The following SNTG1 variants were observed in gnomAD, a reference collection of about 807,000 sequenced individuals.
The protein encoded by SNTG1 is gamma-1-syntrophin.
A neutral mutation model predicts 74.7 loss-of-function variants in SNTG1; 39 were observed. The ratio of observed to expected loss-of-function variants is 0.52; its 90% confidence interval spans 0.40 to 0.68. The LOEUF (loss-of-function observed/expected upper bound fraction) is 0.68, where lower values mean the gene tolerates loss of function less well. SNTG1 is among the 30% of genes least tolerant of loss of function. SNTG1 has a pLI of 0.00. For synonymous variants in SNTG1, 254 were observed against 217.1 expected (o/e 1.17, Z -1.49); for missense variants, 685 against 609.5 (o/e 1.12, Z -1.30).
At chr8:50,388,514 G>A (rs138513102) in intron 2 of SNTG1, among the ~76,000 whole-genome samples, 41 of 152,194 alleles carry the variant, frequency 2.7e-4, no homozygotes, top group African/African-American at 9.6e-4. Context: ...TTAGAATTCT[G>A]TGCCTTTAAA....
chr8:50,461,061 C>T (rs1461493363), intron 8 of SNTG1, among the ~76,000 whole-genome samples: 1 of 151,402 alleles, frequency 6.6e-6, no homozygotes, highest in East Asian at 1.9e-4. Context: ...CATGTCTCTT[C>T]AGGGTCCTTG....
intron 2 of SNTG1, among the ~76,000 whole-genome samples, chr8:50,210,397 G>A (rs912618196): frequency 6.6e-5 from 10 of 152,074 alleles, no homozygotes; most frequent in African/African-American, 9.7e-5. Flanking sequence ...GATATTCCTC[G>A]AGAAGAGCAA....
chr8:50,763,201 A>T (rs961893732), intron 18 of SNTG1, among the ~76,000 whole-genome samples: 5 of 152,036 alleles, frequency 3.3e-5, no homozygotes, highest in African/African-American at 1.2e-4. Context: ...CAATGGAGAT[A>T]AGGAGAGTTG....
intron 2 of SNTG1, among the ~76,000 whole-genome samples, chr8:50,211,589 T>C (rs1041217930): frequency 6.6e-6 from 1 of 152,104 alleles, no homozygotes; most frequent in African/African-American, 2.4e-5. Flanking sequence ...ATGGATTTGA[T>C]TCAGAACTGC....
chr8:50,343,771 C>T (rs79334208), intron 2 of SNTG1, among the ~76,000 whole-genome samples: 7,975 of 152,168 alleles, frequency 0.052, 242 homozygotes, highest in Middle Eastern at 0.12. Flanking sequence ...AAAGCCAAAG[C>T]AATTATCTTA....
chr8:50,142,477 A>T (rs1586453976), intron 1 of SNTG1, among the ~76,000 whole-genome samples: 1 of 57,302 alleles, frequency 1.7e-5, no homozygotes, highest in Non-Finnish European at 3.1e-5. Flanking sequence ...TAAAAAGATT[A>T]TATATATATA....
At chr8:50,288,512 G>C (rs2088909763) in intron 2 of SNTG1, among the ~76,000 whole-genome samples, 1 of 152,046 alleles carries the variant, frequency 6.6e-6, no homozygotes, top group Admixed American at 6.6e-5. Flanking sequence ...GCCTTTGCTT[G>C]TCATTTTTTA....
intron 15 of SNTG1, among the ~76,000 whole-genome samples, chr8:50,694,327 G>A (rs1350814155): frequency 6.6e-6 from 1 of 151,644 alleles, no homozygotes; most frequent in African/African-American, 2.4e-5. Flanking sequence ...CCAAAAAATT[G>A]GATAACCTAG....
intron 2 of SNTG1, among the ~76,000 whole-genome samples, chr8:50,339,679 T>A (rs2091261144): frequency 6.7e-6 from 1 of 150,000 alleles, no homozygotes; most frequent in Non-Finnish European, 1.5e-5. Context: ...AAAAATGGAG[T>A]CATAAAAAGC....
intron 18 of SNTG1, among the ~76,000 whole-genome samples, chr8:50,774,589 A>T (rs1276598602): frequency 6.6e-6 from 1 of 151,920 alleles, no homozygotes; most frequent in Admixed American, 6.6e-5. Context: ...TACACTACAG[A>T]AAATAATTTT....
intron 2 of SNTG1, among the ~76,000 whole-genome samples, chr8:50,350,261 C>A (rs1040653160): frequency 3.3e-5 from 5 of 152,136 alleles, no homozygotes; most frequent in Non-Finnish European, 7.4e-5. Flanking sequence ...CCCTGCTCCA[C>A]CGGAGCCCAG....
intron 1 of SNTG1, among the ~76,000 whole-genome samples, chr8:49,980,991 T>C (rs1812628346): frequency 6.6e-6 from 1 of 152,238 alleles, no homozygotes; most frequent in African/African-American, 2.4e-5. Context: ...AGTGCCCTTC[T>C]GAGCCCCATG....
At chr8:50,153,349 A>G (rs2082137631) in intron 1 of SNTG1, among the ~76,000 whole-genome samples, 1 of 152,102 alleles carries the variant, frequency 6.6e-6, no homozygotes, top group African/African-American at 2.4e-5. Flanking sequence ...ATTGGGTTCA[A>G]ACTTCCTCCG....
At chr8:50,513,473 G>C (rs1034791931) in intron 9 of SNTG1, among the ~76,000 whole-genome samples, 7 of 152,256 alleles carry the variant, frequency 4.6e-5, no homozygotes, top group Admixed American at 3.9e-4. Flanking sequence ...GTCTGCAGAG[G>C]ATTCTGCTGC....
At position 50,699,807 on chromosome 8, in the gene SNTG1, C is replaced by T. The variant is rs566653199; in HGVS notation, c.1039-4793C>T. On this transcript the variant is annotated intron_variant, in intron 15 of 18. Coordinates refer to ENST00000642720, the MANE Select transcript of SNTG1 (RefSeq NM_018967.5). ...ATAGAAGGCAAGTTAGGAAATGATA[C>T]GAATATTTATCTGTATTTATTTTAT... Among the ~76,000 whole-genome samples, 11 of 152,214 alleles carry T rather than the reference C, an allele frequency of 7.2e-5. No individual in the cohort carries two copies. The East Asian group carries it at 1.7e-3, about 24-fold the overall frequency.
intron 9 of SNTG1, among the ~76,000 whole-genome samples, chr8:50,510,796 T>A (rs1361257595): frequency 6.6e-6 from 1 of 152,136 alleles, no homozygotes; most frequent in African/African-American, 2.4e-5. Flanking sequence ...TCTATTTGAT[T>A]CTTCTCTCTT....
At chr8:50,426,024 G>GA (rs996530560) in intron 4 of SNTG1, among the ~76,000 whole-genome samples, 5 of 152,102 alleles carry the variant, frequency 3.3e-5, no homozygotes, top group African/African-American at 1.2e-4. Flanking sequence ...TAGATTGACA[G>GA]AAAAAATTGC....
At chr8:50,774,850 G>A (rs972916513) in intron 18 of SNTG1, among the ~76,000 whole-genome samples, 10 of 151,334 alleles carry the variant, frequency 6.6e-5, no homozygotes, top group African/African-American at 2.4e-4. Flanking sequence ...ACAAATTTTT[G>A]AGCACTATTG....
chr8:50,593,704 T>C (rs1456880624), intron 13 of SNTG1, among the ~76,000 whole-genome samples: 2 of 151,700 alleles, frequency 1.3e-5, no homozygotes, highest in Non-Finnish European at 2.9e-5. Context: ...TCTATTAAGA[T>C]TCTGATTTGG....
Sources: gnomAD v4.1 joint callset for allele counts (sites outside exome capture counted in the v4.1 genomes callset) on GRCh38, gnomAD v4.1.1 for gene constraint, MANE v1.5 for transcripts, NCBI Gene and HGNC (gene_info 2026-07-23, HGNC 2026-07-21) for gene names.